The following ADARB2 variants were observed in gnomAD, a reference collection of about 807,000 sequenced individuals.
The protein encoded by ADARB2 is adenosine deaminase RNA specific B2 (inactive).
A neutral mutation model predicts 62.2 loss-of-function variants in ADARB2; 25 were observed. The ratio of observed to expected loss-of-function variants is 0.40; its 90% CI spans 0.29 to 0.56. The LOEUF (loss-of-function observed/expected upper bound fraction) is 0.56, where lower values mean the gene tolerates loss of function less well. Ranked by LOEUF, ADARB2 falls within the 20% of genes least tolerant of loss-of-function variation. The pLI is 0.43. For synonymous variants in ADARB2, 572 were observed against 500.8 expected, an observed-to-expected ratio of 1.14 and a Z score of -1.90; for missense variants, 1,071 against 1,077.4, an observed-to-expected ratio of 0.99 and a Z score of 0.08.
chr10:1,716,762 T>C (rs531420832), intron 1 of ADARB2, among the ~76,000 whole-genome samples: 48 of 152,360 alleles, frequency 3.2e-4, no homozygotes, highest in Non-Finnish European at 6.8e-4. Flanking sequence ...TGGCATGCCA[T>C]GGATGCTTTG....
At chr10:1,559,501 C>G (rs1222067108) in intron 1 of ADARB2, among the ~76,000 whole-genome samples, 1 of 152,032 alleles carries the variant, frequency 6.6e-6, no homozygotes, top group Non-Finnish European at 1.5e-5. Flanking sequence ...TGGCCTGGCT[C>G]AAAGGACAGA....
At chr10:1,312,319 G>A (rs1196111269) in intron 3 of ADARB2, among the ~76,000 whole-genome samples, 4 of 152,156 alleles carry the variant, frequency 2.6e-5, no homozygotes, top group Non-Finnish European at 5.9e-5. Context: ...CCTTCTTCCA[G>A]CAGCTCCTGT....
In ADARB2 at chr10:1,179,416, G is replaced by A. The variant is rs183761406; in HGVS notation, c.*3777C>T. 2.0e-5 allele frequency: 3 copies of A among 152,328 alleles called. No individual in the cohort carries two copies. Among genetic ancestry groups the A allele is most frequent in the South Asian group, 2.1e-4 (1 of 4,822 alleles). 9.4% of individuals were successfully genotyped at this position (152,328 alleles called of 1,614,324 possible). ...GAATGGAAAGGAAACAATAGCTATC[G>A]ACCTGCACATCCTTTCCTCAGCAAA... On this transcript the variant is annotated 3_prime_UTR_variant, in exon 10 of 10. Transcript: ENST00000381312.
At chr10:1,603,466 G>C (rs964622622) in intron 1 of ADARB2, among the ~76,000 whole-genome samples, 4 of 152,156 alleles carry the variant, frequency 2.6e-5, no homozygotes, top group Non-Finnish European at 5.9e-5. Context: ...ATTTCTGCTT[G>C]TGAAAAGGAT....
chr10:1,559,341 G>A (rs1255877429), intron 1 of ADARB2, among the ~76,000 whole-genome samples: 1 of 152,234 alleles, frequency 6.6e-6, no homozygotes, highest in East Asian at 1.9e-4. Flanking sequence ...GGTGTCAAGG[G>A]TCCTGAGATG....
chr10:1,469,435 T>C (rs1394950606), intron 1 of ADARB2, among the ~76,000 whole-genome samples: 1 of 152,238 alleles, frequency 6.6e-6, no homozygotes, highest in Non-Finnish European at 1.5e-5. Context: ...TGAAAACCGT[T>C]GGATTCTCCA....
intron 1 of ADARB2, among the ~76,000 whole-genome samples, chr10:1,529,719 A>C (rs1319856341): frequency 6.6e-6 from 1 of 152,188 alleles, no homozygotes; most frequent in Non-Finnish European, 1.5e-5. Context: ...CAGGAGACAG[A>C]ATGATGTCAG....
intron 2 of ADARB2, among the ~76,000 whole-genome samples, chr10:1,364,954 C>T (rs368948568): frequency 1.3e-5 from 2 of 151,076 alleles, no homozygotes; most frequent in African/African-American, 4.9e-5. Context: ...CCCACTGCAA[C>T]CTCCGCCTCC....
chr10:1,476,026 C>G (rs1203674121), intron 1 of ADARB2, among the ~76,000 whole-genome samples: 1 of 152,170 alleles, frequency 6.6e-6, no homozygotes, highest in Non-Finnish European at 1.5e-5. Context: ...AGTGAAAACT[C>G]TTTGCATTTT....
At chr10:1,549,360 T>G (rs995287775) in intron 1 of ADARB2, among the ~76,000 whole-genome samples, 2 of 152,160 alleles carry the variant, frequency 1.3e-5, no homozygotes, top group African/African-American at 4.8e-5. Context: ...GGCGCTCTTT[T>G]TGAAAGCCCT....
intron 6 of ADARB2, among the ~76,000 whole-genome samples, chr10:1,220,723 G>A (rs941446498): frequency 1.3e-5 from 2 of 151,996 alleles, no homozygotes; most frequent in East Asian, 1.9e-4. Flanking sequence ...GGTCTTTTTC[G>A]AGATCTTGAA....
At chr10:1,636,547 G>A (rs574897260) in intron 1 of ADARB2, among the ~76,000 whole-genome samples, 1 of 151,872 alleles carries the variant, frequency 6.6e-6, no homozygotes, top group South Asian at 2.1e-4. Flanking sequence ...TATGTAATGT[G>A]GGGGGAGGCT....
At chr10:1,350,804 G>T (rs1190943113) in intron 3 of ADARB2, among the ~76,000 whole-genome samples, 1 of 151,932 alleles carries the variant, frequency 6.6e-6, no homozygotes. Context: ...TTAAATTCCG[G>T]CCCTCAAACC....
intron 1 of ADARB2, among the ~76,000 whole-genome samples, chr10:1,562,991 G>T (rs549530530): frequency 6.6e-6 from 1 of 152,338 alleles, no homozygotes; most frequent in South Asian, 2.1e-4. Context: ...CTGAGCTCCC[G>T]CACCCTGTGG....
chr10:1,612,042 G>A (rs1051386890), intron 1 of ADARB2, among the ~76,000 whole-genome samples: 2 of 152,186 alleles, frequency 1.3e-5, no homozygotes, highest in African/African-American at 4.8e-5. Flanking sequence ...TGGGGGGCAC[G>A]ATGAGGTGGG....
At chr10:1,240,446 G>A (rs1162647814) in intron 5 of ADARB2, 4 of 151,702 alleles carry the variant, frequency 2.6e-5, no homozygotes. Flanking sequence ...TGTGTTCTGT[G>A]GGGCCCTGAG....
chr10:1,687,737 C>T (rs925069383), intron 1 of ADARB2, among the ~76,000 whole-genome samples: 38 of 152,076 alleles, frequency 2.5e-4, no homozygotes, highest in African/African-American at 8.7e-4. Context: ...ACAGCTCAGC[C>T]GTGAATTGTG....
intron 6 of ADARB2, among the ~76,000 whole-genome samples, chr10:1,220,567 C>G (rs1439444380): frequency 6.6e-6 from 1 of 152,198 alleles, no homozygotes; most frequent in East Asian, 1.9e-4. Context: ...GAGGAGCCAT[C>G]ACACCTAACA....
intron 2 of ADARB2, among the ~76,000 whole-genome samples, chr10:1,364,608 A>G (rs147608940): frequency 4.6e-5 from 7 of 152,360 alleles, no homozygotes; most frequent in African/African-American, 1.7e-4. Flanking sequence ...ATGAATCACT[A>G]CGGAACGTGT....
Sources: allele counts gnomAD v4.1 joint callset (sites outside exome capture counted in the v4.1 genomes callset), GRCh38; gene constraint gnomAD v4.1.1; transcripts MANE v1.5; gene names NCBI Gene and HGNC (gene_info 2026-07-23, HGNC 2026-07-21).